Variants in MMP15 observed in about 807,000 individuals in gnomAD.
The protein encoded by MMP15 is matrix metallopeptidase 15, also known as matrix metalloproteinase-15.
In MMP15, 36 loss-of-function variants were observed where a neutral mutation model predicts 65.0. The ratio of observed to expected loss-of-function variants is 0.55; its 90% CI spans 0.42 to 0.73. The LOEUF (loss-of-function observed/expected upper bound fraction) is 0.73. Ranked by LOEUF, MMP15 falls within the 30% of genes least tolerant of loss-of-function variation. MMP15 has a pLI of 0.00. For synonymous variants in MMP15, 428 were observed against 410.2 expected, an observed-to-expected ratio of 1.04 and a Z score of -0.52; for missense variants, 870 against 987.8, an observed-to-expected ratio of 0.88 and a Z score of 1.60.
In MMP15 at chr16:58,038,364, G is replaced by A; in HGVS notation, c.410G>A (p.Arg137Lys). ...RRRKRYALTG[R>K]KWNNHHLTFS... ...CGGAAGCGCTACGCCCTCACCGGGAGGAAGTGGAACAACCACCATCTGACC... is the reference window on the plus strand; with the variant it reads ...CGGAAGCGCTACGCCCTCACCGGGAAGAAGTGGAACAACCACCATCTGACC... Residue 137 changes from arginine to lysine, a missense_variant, in exon 3 of 10, where the codon AGG becomes AAG. Physicochemically the swap from Arg to Lys is conservative, Grantham distance 26. Coordinates refer to ENST00000219271, the MANE Select transcript of MMP15 (RefSeq NM_002428.4). 6.2e-7 allele frequency: 1 copy of A among 1,614,080 alleles called. No individual in the cohort carries two copies. Among genetic ancestry groups the A allele is most frequent in the Non-Finnish European group, 8.5e-7 (1 of 1,180,006 alleles).
intron 1 of MMP15, among the ~76,000 whole-genome samples, chr16:58,031,137 G>A (rs1048825008): frequency 6.6e-6 from 1 of 152,134 alleles, no homozygotes; most frequent in Non-Finnish European, 1.5e-5. Flanking sequence ...CTAATACTGT[G>A]AGTTGAGAGA....
Position 58,040,654 on chromosome 16 carries a change from T to C in MMP15, c.866T>C (p.Phe289Ser), listed in dbSNP as rs1272898442. ...TACCAGTGGAAGGACGTTGACAACT[T>C]CAAGCTGCCCGAGGACGATCTCCGT... ...PFYQWKDVDN[F>S]KLPEDDLRGI... The change falls in exon 5 of 10, where the codon TTC (phenylalanine) becomes TCC (serine). Residue 289 changes from phenylalanine to serine, a missense_variant. By Grantham distance (155) the Phe-to-Ser change is radical. Coordinates refer to ENST00000219271, the MANE Select transcript of MMP15 (RefSeq NM_002428.4). The C allele has an allele frequency of 1.2e-6, 2 of 1,614,062 alleles. No individual in the cohort carries two copies. The highest frequency in any genetic ancestry group is 1.7e-6 in the Non-Finnish European group (2 of 1,180,052).
intron 1 of MMP15, among the ~76,000 whole-genome samples, chr16:58,027,654 TC>T (rs960711604): frequency 1.2e-4 from 18 of 152,232 alleles, no homozygotes; most frequent in African/African-American, 4.3e-4. Flanking sequence ...GGGAGATTTT[TC>T]CGATGGAAGC....
In MMP15 at chr16:58,041,618, T is replaced by C. The variant is rs1361339542; in HGVS notation, c.912T>C (p.Gly304=). 6.4e-7 allele frequency: 1 copy of C among 1,572,294 alleles called. No individual in the cohort carries two copies. Among genetic ancestry groups the C allele is most frequent in the Non-Finnish European group, 8.6e-7 (1 of 1,160,106 alleles). ...DDLRGIQQLY[G]TPDGQPQPTQ... ...TTCTGAACCCCTGCCTCTCTGCAGGTACCCCAGACGGTCAGCCACAGCCTA... is the reference window on the plus strand; with the variant it reads ...TTCTGAACCCCTGCCTCTCTGCAGGCACCCCAGACGGTCAGCCACAGCCTA... The change falls in exon 6 of 10, where the codon GGT becomes GGC. Residue 304 remains glycine (G), a splice_region_variant and synonymous_variant. Transcript: ENST00000219271.
Position 58,042,291 on chromosome 16 carries a change from G to A in MMP15, c.1225G>A (p.Gly409Arg), listed in dbSNP as rs757782458. The change falls in exon 7 of 10, where the codon GGG (glycine) becomes AGG (arginine). Residue 409 changes from glycine (G) to arginine (R), a missense_variant. By Grantham distance (125) the Gly-to-Arg change is moderately radical (BLOSUM62 -2). Transcript: ENST00000219271. ...CCTGGACAACTATCCCATGCCCATC[G>A]GGCACTTCTGGCGTGGTCTGCCCGG... The part of the protein sequence containing the change: ...RVLDNYPMPI[G>R]HFWRGLPGDI... 34 of 1,614,228 alleles carry A rather than the reference G, an allele frequency of 2.1e-5. No homozygotes were observed. In the South Asian group the frequency reaches 2.2e-4, roughly 10 times the overall value.
Position 58,043,584 on chromosome 16 carries a change from G to A in MMP15, c.1527G>A (p.Gly509=). 1.9e-6 allele frequency: 3 copies of A among 1,613,556 alleles called. No homozygotes were observed. The highest frequency in any genetic ancestry group is 2.5e-6 in the Non-Finnish European group (3 of 1,179,736). The part of the protein sequence containing the change: ...GYPKPISVWQ[G]IPASPKGAFL... ...CCAAGCCCATCAGTGTCTGGCAGGGGATCCCTGCCTCCCCTAAAGGGGCCT... is the reference window on the plus strand; with the variant it reads ...CCAAGCCCATCAGTGTCTGGCAGGGAATCCCTGCCTCCCCTAAAGGGGCCT... The change falls in exon 9 of 10, where the codon GGG becomes GGA. Residue 509 remains glycine (G), a synonymous_variant. Coordinates refer to ENST00000219271, the MANE Select transcript of MMP15 (RefSeq NM_002428.4).
intron 1 of MMP15, among the ~76,000 whole-genome samples, chr16:58,035,036 G>C (rs1356927942): frequency 6.6e-6 from 1 of 151,984 alleles, no homozygotes; most frequent in Non-Finnish European, 1.5e-5. Context: ...AGGTGATGTA[G>C]AGGTGCCCTC....
chr16:58,041,745 C>T lies in MMP15; in HGVS notation c.1039C>T (p.Pro347Ser), dbSNP rs757069983. 6.2e-5 allele frequency: 99 copies of T among 1,598,912 alleles called. 1 individual carries two copies. The highest frequency in any genetic ancestry group is 8.4e-5 in the Non-Finnish European group (98 of 1,172,506). ...ACCCCCAGGTGGGAAGCCAGAGCGG[C>T]CCCCAAAGCCGGGCCCCCCAGTCCA... ...PPPPGGKPER[P>S]PKPGPPVQPR... Residue 347 changes from proline to serine, a missense_variant, in exon 6 of 10, where the codon CCC (proline) becomes TCC (serine). Coordinates refer to ENST00000219271, the MANE Select transcript of MMP15 (RefSeq NM_002428.4).
At chr16:58,041,089 G>A (rs1426561341) in intron 5 of MMP15, among the ~76,000 whole-genome samples, 6 of 152,180 alleles carry the variant, frequency 3.9e-5, no homozygotes, top group Non-Finnish European at 8.8e-5. Context: ...CTGCTGGTTT[G>A]TCACTTCCCA....
At chr16:58,026,581 C>T in intron 1 of MMP15, 69 bp downstream of exon 1, 1 of 1,276,478 alleles carries the variant, frequency 7.8e-7, no homozygotes, top group Non-Finnish European at 9.9e-7. Flanking sequence ...CGTCCGCAGG[C>T]TGGGACTTGG....
rs763363050 is a variant in MMP15 at position 58,043,504 on chromosome 16, GT to G, written c.1455-6del. ...TCTAGGTCCACAGCCTGGTGCTTTT[GT>G]TCACAGGTACTGGCGCTTCAACGAG... On this transcript the variant is annotated splice_region_variant and splice_polypyrimidine_tract_variant and intron_variant, in intron 8 of 9. Coordinates refer to ENST00000219271, the MANE Select transcript of MMP15 (RefSeq NM_002428.4). The G allele has an allele frequency of 6.2e-7, 1 of 1,613,686 alleles. No individual in the cohort carries two copies. Among genetic ancestry groups the G allele is most frequent in the South Asian group, 1.1e-5 (1 of 90,994 alleles).
At position 58,037,629 on chromosome 16, in the gene MMP15, C is replaced by T; in HGVS notation, c.311+9C>T. ...GACGAAGAGACCAAGGAGTGAGTTC[C>T]CCCCACCATCCACACCCCACAGGCA... On this transcript the variant is annotated intron_variant, in intron 2 of 9. Transcript: ENST00000219271. 6.2e-7 allele frequency: 1 copy of T among 1,614,080 alleles called. No individual in the cohort carries two copies. Among genetic ancestry groups the T allele is most frequent in the Non-Finnish European group, 8.5e-7 (1 of 1,180,006 alleles).
chr16:58,040,190 C>T lies in MMP15; in HGVS notation c.748+8C>T. On this transcript the variant is annotated splice_region_variant and intron_variant, in intron 4 of 9. Coordinates refer to ENST00000219271, the MANE Select transcript of MMP15 (RefSeq NM_002428.4). ...CCAGCACTGACCTGCATGGTGAGGACAGCTGGCCAGGGTGAGGGGCAGGGC... is the reference window on the plus strand; with the variant it reads ...CCAGCACTGACCTGCATGGTGAGGATAGCTGGCCAGGGTGAGGGGCAGGGC... 1 of 1,597,742 alleles carries T rather than the reference C, an allele frequency of 6.3e-7. No homozygotes were observed. Among genetic ancestry groups the T allele is most frequent in the Non-Finnish European group, 8.5e-7 (1 of 1,172,142 alleles).
chr16:58,045,281 G>A lies in MMP15; in HGVS notation c.1845G>A (p.Val615=), dbSNP rs1959538711. 1.2e-6 allele frequency: 2 copies of A among 1,610,728 alleles called. No individual in the cohort carries two copies. The highest frequency in any genetic ancestry group is 1.3e-5 in the African/African-American group (1 of 74,880). ...AGGACGGGGGCAGCCGCGTGGTGGT[G>A]CAGATGGAGGAGGTGGCACGGACGG... ...VNKDGGSRVV[V]QMEEVARTVN... The change falls in exon 10 of 10, where the codon GTG becomes GTA. Residue 615 remains valine (V), a synonymous_variant. Coordinates refer to ENST00000219271, the MANE Select transcript of MMP15 (RefSeq NM_002428.4).
In MMP15 at chr16:58,038,273, A is replaced by G. The variant is rs1959375958; in HGVS notation, c.319A>G (p.Lys107Glu). 6.2e-7 allele frequency: 1 copy of G among 1,613,880 alleles called. No individual in the cohort carries two copies. ...TCTGTGTCCATGTCCCAGGTGGATGAAGCGGCCCCGCTGTGGGGTGCCAGA... is the reference window on the plus strand; with the variant it reads ...TCTGTGTCCATGTCCCAGGTGGATGGAGCGGCCCCGCTGTGGGGTGCCAGA... The part of the protein sequence containing the change: ...VLDEETKEWM[K>E]RPRCGVPDQF... Residue 107 changes from lysine (K) to glutamate (E), a missense_variant, in exon 3 of 10, where the codon AAG becomes GAG. Physicochemically the swap from Lys to Glu is moderately conservative, Grantham distance 56. Transcript: ENST00000219271.
At chr16:58,031,853 CTTTTTTTTTTTTTT>C (rs749779284) in intron 1 of MMP15, among the ~76,000 whole-genome samples, 38 of 57,710 alleles carry the variant, frequency 6.6e-4, no homozygotes, top group Admixed American at 3.0e-3. Flanking sequence ...TCGATGCCGC[CTTTTTTTTTTTTTT>C]TTTTTTTTTT....
chr16:58,044,745 C>T (rs954815251), intron 9 of MMP15, among the ~76,000 whole-genome samples: 2 of 152,224 alleles, frequency 1.3e-5, no homozygotes, highest in Non-Finnish European at 2.9e-5. Flanking sequence ...CCCAACCCAG[C>T]AGGCTATAGG....
At position 58,045,236 on chromosome 16, in the gene MMP15, CTTTGGGGCCGGGG is replaced by C. The variant is rs759188537; in HGVS notation, c.1802_1814del (p.Phe601SerfsTer20). On this transcript the variant is annotated frameshift_variant, in exon 10 of 10. Transcript: ENST00000219271. LOFTEE classifies it high-confidence loss of function. ...GCGACGTGGGGGATGGGGATGGGGA[CTTTGGGGCCGGGG>C]TCAACAAGGACGGGGGCAGCCGCGT... is the stretch of plus-strand genomic sequence containing the variant. 1.9e-6 allele frequency: 3 copies of C among 1,603,954 alleles called. No individual in the cohort carries two copies. The highest frequency in any genetic ancestry group is 2.5e-6 in the Non-Finnish European group (3 of 1,176,508).
rs577467217 is a variant in MMP15, at chr16:58,042,231, G to C, written c.1165G>C (p.Gly389Arg). 2 of 1,613,102 alleles carry C rather than the reference G, an allele frequency of 1.2e-6. No homozygotes were observed. Among genetic ancestry groups the C allele is most frequent in the Non-Finnish European group, 1.7e-6 (2 of 1,179,548 alleles). ...MLRGEMFVFK[G>R]RWFWRVRHNR... ...CCCGCTCACACTATGCCCTCCCCAGGGCCGCTGGTTCTGGCGAGTCCGGCA... is the reference window on the plus strand; with the variant it reads ...CCCGCTCACACTATGCCCTCCCCAGCGCCGCTGGTTCTGGCGAGTCCGGCA... Residue 389 changes from glycine to arginine, a missense_variant and splice_region_variant, in exon 7 of 10, where the codon GGC becomes CGC. Coordinates refer to ENST00000219271, the MANE Select transcript of MMP15 (RefSeq NM_002428.4).
Sources: gnomAD v4.1 joint callset for allele counts (sites outside exome capture counted in the v4.1 genomes callset) on GRCh38, gnomAD v4.1.1 for gene constraint, MANE v1.5 for transcripts, NCBI Gene and HGNC (gene_info 2026-07-23, HGNC 2026-07-21) for gene names.